Variants in KHDRBS2 observed in about 807,000 individuals in gnomAD.
The protein encoded by KHDRBS2 is KH RNA binding domain containing, signal transduction associated 2, also known as KH domain-containing, RNA-binding, signal transduction-associated protein 2.
KHDRBS2 carries 26 observed loss-of-function variants against 44.3 expected under a neutral mutation model. The observed-to-expected ratio is 0.59, with a 90% CI of 0.43 to 0.81. The LOEUF is 0.81. Ranked by LOEUF, KHDRBS2 falls within the 40% of genes least tolerant of loss-of-function variation. The pLI is 0.00. For synonymous variants in KHDRBS2, 194 were observed against 151.1 expected (o/e 1.28, Z -2.08); for missense variants, 476 against 433.1 (o/e 1.10, Z -0.88).
intron 7 of KHDRBS2, among the ~76,000 whole-genome samples, chr6:61,724,773 A>G (rs1773274918): frequency 6.6e-6 from 1 of 152,212 alleles, no homozygotes; most frequent in African/African-American, 2.4e-5. Context: ...TCATAAATAT[A>G]TATGCACCCA....
At chr6:61,618,968 T>C in the KHDRBS2 span, among the ~76,000 whole-genome samples, 8 of 152,224 alleles carry the variant, frequency 5.3e-5, no homozygotes, top group African/African-American at 1.7e-4. Context: ...GGGCAGAGTT[T>C]TCTGTCTATT....
the KHDRBS2 span, among the ~76,000 whole-genome samples, chr6:61,601,857 C>A: frequency 6.6e-6 from 1 of 152,114 alleles, no homozygotes; most frequent in Admixed American, 6.5e-5. Flanking sequence ...AGTTTCATTC[C>A]GTGACTAGCC....
intron 7 of KHDRBS2, among the ~76,000 whole-genome samples, chr6:61,703,829 A>G (rs532952475): frequency 6.6e-6 from 1 of 151,974 alleles, no homozygotes; most frequent in East Asian, 1.9e-4. Flanking sequence ...CCTTTCACCA[A>G]ATAGCTCAAG....
At chr6:62,036,904 G>C (rs1011956633) in intron 3 of KHDRBS2, among the ~76,000 whole-genome samples, 2 of 151,840 alleles carry the variant, frequency 1.3e-5, no homozygotes, top group Non-Finnish European at 2.9e-5. Flanking sequence ...TGAGTATTAT[G>C]ACATAAAAGT....
intron 3 of KHDRBS2, among the ~76,000 whole-genome samples, chr6:62,007,709 T>C (rs879880595): frequency 6.6e-6 from 1 of 152,012 alleles, no homozygotes; most frequent in Non-Finnish European, 1.5e-5. Context: ...AAGAAGAAAT[T>C]TAGTGGCTGA....
intron 7 of KHDRBS2, among the ~76,000 whole-genome samples, chr6:61,707,160 C>T (rs1289578709): frequency 6.6e-6 from 1 of 151,596 alleles, no homozygotes; most frequent in East Asian, 2.0e-4. Flanking sequence ...GAATAGAAAA[C>T]ATAAAGGCAT....
At chr6:61,787,066 T>G (rs9452293) in intron 6 of KHDRBS2, among the ~76,000 whole-genome samples, 1,858 of 149,260 alleles carry the variant, frequency 0.012, 44 homozygotes, top group African/African-American at 0.043. Flanking sequence ...AATATGTATA[T>G]TAAGCAAGTT....
chr6:62,181,115 G>C (rs79318433), intron 1 of KHDRBS2, among the ~76,000 whole-genome samples: 1,552 of 151,540 alleles, frequency 0.01, 31 homozygotes, highest in African/African-American at 0.035. Context: ...AGGGGTAAAT[G>C]CTTCTTGACA....
chr6:62,091,652 T>C (rs1799513653), intron 2 of KHDRBS2, among the ~76,000 whole-genome samples: 1 of 152,100 alleles, frequency 6.6e-6, no homozygotes, highest in South Asian at 2.1e-4. Flanking sequence ...AGATACCACT[T>C]TTTCAAATTT....
chr6:61,940,427 A>G (rs928982919), intron 4 of KHDRBS2, among the ~76,000 whole-genome samples: 12 of 152,174 alleles, frequency 7.9e-5, no homozygotes, highest in African/African-American at 2.7e-4. Flanking sequence ...CGGCCCTACA[A>G]CTAACATAGG....
intron 4 of KHDRBS2, among the ~76,000 whole-genome samples, chr6:61,955,111 T>C (rs1019302648): frequency 2.7e-4 from 33 of 120,044 alleles, no homozygotes; most frequent in African/African-American, 4.4e-4. Context: ...TATATACACA[T>C]ATGTGTATAT....
At chr6:61,999,894 T>C (rs1584065495) in intron 3 of KHDRBS2, among the ~76,000 whole-genome samples, 1 of 152,104 alleles carries the variant, frequency 6.6e-6, no homozygotes. Flanking sequence ...AAATTAAAGT[T>C]AGAATATTAG....
At chr6:61,876,246 C>T (rs1228315275) in intron 6 of KHDRBS2, among the ~76,000 whole-genome samples, 1 of 151,962 alleles carries the variant, frequency 6.6e-6, no homozygotes, top group Non-Finnish European at 1.5e-5. Context: ...AGATCAATTT[C>T]CACAACATTT....
the KHDRBS2 span, among the ~76,000 whole-genome samples, chr6:61,643,683 C>G: frequency 6.6e-6 from 1 of 152,084 alleles, no homozygotes; most frequent in African/African-American, 2.4e-5. Context: ...AAAGCCAAAT[C>G]AAGAACACAA....
the KHDRBS2 span, among the ~76,000 whole-genome samples, chr6:61,575,290 A>T: frequency 1.3e-5 from 2 of 152,218 alleles, no homozygotes; most frequent in African/African-American, 4.8e-5. Context: ...AATCCCATCA[A>T]AAAGTGGGCA....
intron 3 of KHDRBS2, among the ~76,000 whole-genome samples, chr6:62,022,823 G>C (rs1217343023): frequency 6.6e-6 from 1 of 151,534 alleles, no homozygotes; most frequent in Admixed American, 6.6e-5. Flanking sequence ...TTAATATTTT[G>C]TTTATTGCAA....
At chr6:61,883,203 C>T (rs1202276544) in intron 6 of KHDRBS2, among the ~76,000 whole-genome samples, 1 of 151,828 alleles carries the variant, frequency 6.6e-6, no homozygotes, top group African/African-American at 2.4e-5. Flanking sequence ...CTAAAATATA[C>T]AAATAATGTT....
chr6:62,226,396 G>C (rs1352052822), intron 1 of KHDRBS2, among the ~76,000 whole-genome samples: 1 of 151,948 alleles, frequency 6.6e-6, no homozygotes, highest in African/African-American at 2.4e-5. Context: ...TTTTTTTCTT[G>C]TAAATTTGTT....
chr6:61,755,696 A>G (rs1778385840), intron 6 of KHDRBS2, among the ~76,000 whole-genome samples: 1 of 151,522 alleles, frequency 6.6e-6, no homozygotes, highest in African/African-American at 2.4e-5. Context: ...CTGTAATCCT[A>G]GCTACTTGGG....
Sources: gnomAD v4.1 joint callset for allele counts (sites outside exome capture counted in the v4.1 genomes callset) on GRCh38, gnomAD v4.1.1 for gene constraint, MANE v1.5 for transcripts, NCBI Gene and HGNC (gene_info 2026-07-23, HGNC 2026-07-21) for gene names.